Variants in PSD3 observed in about 807,000 individuals in gnomAD.
The protein encoded by PSD3 is pleckstrin and Sec7 domain containing 3, also known as PH and SEC7 domain-containing protein 3.
Under a neutral mutation model 105.5 loss-of-function variants are expected in PSD3, and 49 were observed. The ratio of observed to expected loss-of-function variants is 0.46; its 90% CI spans 0.37 to 0.59. PSD3 has a LOEUF of 0.59. PSD3 is among the 20% of genes least tolerant of loss of function. The pLI is 0.00. For missense variants in PSD3, 1,561 were observed against 1,263.8 expected, an observed-to-expected ratio of 1.24 and a Z score of -3.57; for synonymous variants, 557 against 457.8, an observed-to-expected ratio of 1.22 and a Z score of -2.77.
At chr8:18,814,906 G>T (rs949418354) in intron 4 of PSD3, among the ~76,000 whole-genome samples, 1 of 152,156 alleles carries the variant, frequency 6.6e-6, no homozygotes, top group South Asian at 2.1e-4. Context: ...GCAGCAAAAG[G>T]CGGCACAAAG....
chr8:18,769,394 A>C (rs1271912480), intron 8 of PSD3, among the ~76,000 whole-genome samples: 3 of 152,244 alleles, frequency 2.0e-5, no homozygotes, highest in Non-Finnish European at 2.9e-5. Flanking sequence ...AAATATGAGT[A>C]TAAAAACGAA....
At chr8:18,687,531 T>C (rs564500059) in intron 9 of PSD3, among the ~76,000 whole-genome samples, 1 of 152,014 alleles carries the variant, frequency 6.6e-6, no homozygotes, top group Non-Finnish European at 1.5e-5. Context: ...ACGAAATGAT[T>C]TCCCCCCTAA....
chr8:19,052,759 G>A (rs531991952), intron 1 of PSD3, among the ~76,000 whole-genome samples: 22 of 151,774 alleles, frequency 1.4e-4, no homozygotes, highest in East Asian at 5.9e-4. Flanking sequence ...GACGGCTGAA[G>A]GTCAGGACTT....
intron 4 of PSD3, among the ~76,000 whole-genome samples, chr8:18,816,015 C>T (rs372740723): frequency 6.6e-6 from 1 of 152,266 alleles, no homozygotes; most frequent in African/African-American, 2.4e-5. Flanking sequence ...AAATAAAATC[C>T]TATCTCTGTC....
At chr8:18,777,747 A>AATAGGACTTATTCCTTCTAACT (rs1462442427) in intron 8 of PSD3, among the ~76,000 whole-genome samples, 1 of 152,158 alleles carries the variant, frequency 6.6e-6, no homozygotes, top group Non-Finnish European at 1.5e-5. Context: ...GCTATGAAAG[A>AATAGGACTTATTCCTTCTAACT]ATAGGACTTA....
intron 4 of PSD3, among the ~76,000 whole-genome samples, chr8:18,841,273 G>T (rs1037200086): frequency 6.6e-6 from 1 of 151,978 alleles, no homozygotes; most frequent in African/African-American, 2.4e-5. Context: ...GCACTGCGTG[G>T]AAAAAAAGTC....
chr8:19,017,464 CTA>C (rs1827214869), upstream of PSD3, among the ~76,000 whole-genome samples: 2 of 152,274 alleles, frequency 1.3e-5, no homozygotes, highest in South Asian at 4.1e-4. Flanking sequence ...AATGTGTTTA[CTA>C]TATTCACAGA....
chr8:18,536,613 G>GCA (rs1799860008), intron 15 of PSD3, among the ~76,000 whole-genome samples: 2 of 152,170 alleles, frequency 1.3e-5, no homozygotes, highest in African/African-American at 4.8e-5. Flanking sequence ...AGAATTTCAA[G>GCA]TTATTTTCTG....
intron 8 of PSD3, among the ~76,000 whole-genome samples, chr8:18,789,823 T>C (rs1012531767): frequency 3.3e-5 from 5 of 152,158 alleles, no homozygotes; most frequent in African/African-American, 1.2e-4. Context: ...CACAATCAAT[T>C]TGCAGAAAGT....
At chr8:18,705,504 C>A (rs939796759) in intron 9 of PSD3, among the ~76,000 whole-genome samples, 11 of 128,040 alleles carry the variant, frequency 8.6e-5, no homozygotes, top group African/African-American at 3.3e-4. Context: ...ATACTTCAGC[C>A]TAGGTGACAG....
At chr8:18,853,855 C>G (rs1202318389) in intron 4 of PSD3, among the ~76,000 whole-genome samples, 1 of 152,176 alleles carries the variant, frequency 6.6e-6, no homozygotes, top group African/African-American at 2.4e-5. Flanking sequence ...CACAACTCCA[C>G]TAGGGAAAAA....
intron 1 of PSD3, among the ~76,000 whole-genome samples, chr8:18,999,613 C>T (rs1406899180): frequency 6.6e-6 from 1 of 151,780 alleles, no homozygotes; most frequent in Non-Finnish European, 1.5e-5. Context: ...TAAATGGCCA[C>T]AAGAGAATTC....
At chr8:18,996,067 G>A (rs963882512) in intron 1 of PSD3, among the ~76,000 whole-genome samples, 4 of 151,854 alleles carry the variant, frequency 2.6e-5, no homozygotes, top group African/African-American at 7.3e-5. Context: ...GTAATGTCTG[G>A]GAAACAACTG....
intron 8 of PSD3, among the ~76,000 whole-genome samples, chr8:18,774,354 T>C (rs925887884): frequency 4.9e-4 from 74 of 152,160 alleles, no homozygotes; most frequent in African/African-American, 1.7e-3. Flanking sequence ...TCCCCAAAAA[T>C]TCACCCCTTC....
intron 9 of PSD3, among the ~76,000 whole-genome samples, chr8:18,691,573 A>T (rs1375624126): frequency 6.6e-6 from 1 of 152,268 alleles, no homozygotes; most frequent in African/African-American, 2.4e-5. Context: ...CACAAAATGC[A>T]AATACAGAAA....
chr8:18,675,781 C>A (rs1563163155), intron 9 of PSD3, among the ~76,000 whole-genome samples: 1 of 152,108 alleles, frequency 6.6e-6, no homozygotes, highest in East Asian at 1.9e-4. Flanking sequence ...GTTAGAAGAG[C>A]AACTTCCATC....
chr8:18,656,732 A>C (rs1197454354), intron 9 of PSD3, among the ~76,000 whole-genome samples: 3 of 152,026 alleles, frequency 2.0e-5, no homozygotes, highest in African/African-American at 7.2e-5. Flanking sequence ...TTTAAGACAC[A>C]GGGTCTTGCT....
At chr8:18,903,280 C>T (rs1423949256) in intron 2 of PSD3, among the ~76,000 whole-genome samples, 1 of 152,132 alleles carries the variant, frequency 6.6e-6, no homozygotes, top group Non-Finnish European at 1.5e-5. Context: ...AACGGCAACT[C>T]GGGTCCCAGG....
At chr8:18,582,152 G>C (rs7004614) in intron 12 of PSD3, among the ~76,000 whole-genome samples, 1 of 151,944 alleles carries the variant, frequency 6.6e-6, no homozygotes, top group African/African-American at 2.4e-5. Context: ...ATGAGAAAAA[G>C]AGGAGTGGAG....
Sources: gnomAD v4.1 joint callset for allele counts (sites outside exome capture counted in the v4.1 genomes callset) on GRCh38, gnomAD v4.1.1 for gene constraint, MANE v1.5 for transcripts, NCBI Gene and HGNC (gene_info 2026-07-23, HGNC 2026-07-21) for gene names.